Variants in NRG3 observed in about 807,000 individuals in gnomAD.
NRG3 encodes the protein pro-neuregulin-3, membrane-bound isoform.
Under a neutral mutation model 66.9 loss-of-function variants are expected in NRG3, and 31 were observed. That is an observed-to-expected ratio of 0.46 (90% CI 0.35 to 0.63). The LOEUF is 0.63. Ranked by LOEUF, NRG3 falls within the 20% of genes least tolerant of loss-of-function variation. The probability of loss-of-function intolerance (pLI) is 0.00; values close to 1 mark genes in which losing one functional copy is unlikely to be tolerated. For synonymous variants in NRG3, 393 were observed against 359.4 expected (o/e 1.09, Z -1.06); for missense variants, 910 against 878.9 (o/e 1.04, Z -0.45).
At chr10:82,817,452 C>T (rs1372507671) in intron 3 of NRG3, among the ~76,000 whole-genome samples, 3 of 152,214 alleles carry the variant, frequency 2.0e-5, no homozygotes, top group Admixed American at 1.3e-4. Flanking sequence ...TCTCAGAGTT[C>T]TGTGGCCTGT....
intron 1 of NRG3, among the ~76,000 whole-genome samples, chr10:82,352,422 A>G (rs148106968): frequency 1.3e-5 from 2 of 152,286 alleles, no homozygotes; most frequent in Non-Finnish European, 2.9e-5. Flanking sequence ...GCTCAAGACT[A>G]TGAGTAGCAG....
chr10:82,359,343 G>C (rs894150693), intron 2 of NRG3, among the ~76,000 whole-genome samples: 4 of 152,090 alleles, frequency 2.6e-5, no homozygotes, highest in African/African-American at 9.7e-5. Context: ...ATTTTATTTT[G>C]TTTCTGCCTT....
At chr10:82,796,694 C>T (rs2060815580) in intron 3 of NRG3, among the ~76,000 whole-genome samples, 1 of 151,948 alleles carries the variant, frequency 6.6e-6, no homozygotes, top group East Asian at 1.9e-4. Flanking sequence ...GGAGAGGGAG[C>T]CCTAGAGCCA....
chr10:81,944,611 A>G (rs1460972193), intron 1 of NRG3, among the ~76,000 whole-genome samples: 1 of 152,214 alleles, frequency 6.6e-6, no homozygotes, highest in Non-Finnish European at 1.5e-5. Context: ...GGGAAAGGAA[A>G]GTAAACAAAA....
intron 2 of NRG3, among the ~76,000 whole-genome samples, chr10:82,724,340 A>G (rs978157263): frequency 1.3e-5 from 2 of 152,160 alleles, no homozygotes; most frequent in Non-Finnish European, 2.9e-5. Context: ...AATGTCATAC[A>G]TAATGAAAGA....
chr10:82,845,177 A>C (rs978452871), intron 3 of NRG3, among the ~76,000 whole-genome samples: 3 of 152,192 alleles, frequency 2.0e-5, no homozygotes, highest in African/African-American at 7.2e-5. Context: ...AAAATAAAAA[A>C]TAAAGGGCTT....
At chr10:82,236,865 A>G (rs993975610) in intron 1 of NRG3, among the ~76,000 whole-genome samples, 44 of 151,942 alleles carry the variant, frequency 2.9e-4, no homozygotes, top group African/African-American at 9.6e-4. Context: ...ACAGACGCCC[A>G]CCACAACGCC....
At chr10:82,822,655 G>A (rs2062004502) in intron 3 of NRG3, among the ~76,000 whole-genome samples, 1 of 152,088 alleles carries the variant, frequency 6.6e-6, no homozygotes, top group Admixed American at 6.5e-5. Context: ...GTTTAATGTG[G>A]AATCCAGTAT....
chr10:82,979,032 C>T lies in NRG3; in HGVS notation c.1495C>T (p.Arg499Ter). 3.7e-6 allele frequency: 6 copies of T among 1,614,058 alleles called. No homozygotes were observed. The highest frequency in any genetic ancestry group is 3.4e-6 in the Non-Finnish European group (4 of 1,179,974). ...CTTCAGAAGGACACCCCCGTCACCC[C>T]GAAGTAGGCTAGGTGGAATTGTGGG... Reference protein sequence around the residue: ...NAFRRTPPSPRSRLGGIVGPA... With the variant: ...NAFRRTPPSP Residue 499 changes from arginine to a stop codon, truncating the protein, a stop_gained, in exon 8 of 9, where the codon CGA becomes TGA. Transcript: ENST00000372141. LOFTEE classifies it high-confidence loss of function.
rs889906218 is a variant in NRG3, at chr10:82,771,370, A to G, written c.1027+32720A>G. ...AAAGAAGACATAAAATAAAGCCAGTATTTTATTCTATAACCACCTATGTTG... is the reference window on the plus strand; with the variant it reads ...AAAGAAGACATAAAATAAAGCCAGTGTTTTATTCTATAACCACCTATGTTG... On this transcript the variant is annotated intron_variant, in intron 3 of 8. Transcript: ENST00000372141. Among the ~76,000 whole-genome samples, 11 of 152,248 alleles carry G rather than the reference A, an allele frequency of 7.2e-5. No homozygotes were observed. The East Asian group carries it at 1.9e-3, about 27-fold the overall frequency.
intron 2 of NRG3, among the ~76,000 whole-genome samples, chr10:82,630,842 A>G (rs2049777257): frequency 6.6e-6 from 1 of 152,158 alleles, no homozygotes; most frequent in Non-Finnish European, 1.5e-5. Flanking sequence ...CTATCTTCTG[A>G]TTGTTGGACA....
At chr10:82,770,963 C>T (rs563585346) in intron 3 of NRG3, among the ~76,000 whole-genome samples, 1 of 152,246 alleles carries the variant, frequency 6.6e-6, no homozygotes, top group Admixed American at 6.5e-5. Context: ...GGCATGAACT[C>T]CCTGAGAGTT....
At chr10:82,317,941 T>A (rs1483743165) in intron 1 of NRG3, among the ~76,000 whole-genome samples, 1 of 138,478 alleles carries the variant, frequency 7.2e-6, no homozygotes, top group Non-Finnish European at 1.5e-5. Flanking sequence ...TGAATCTACA[T>A]TTTTTTTTTT....
intron 2 of NRG3, among the ~76,000 whole-genome samples, chr10:82,643,008 G>A (rs2050688252): frequency 6.6e-6 from 1 of 151,988 alleles, no homozygotes. Flanking sequence ...GCGGAAGGTA[G>A]CCACAAGATA....
chr10:82,845,280 A>C (rs749938982), intron 3 of NRG3, among the ~76,000 whole-genome samples: 11 of 152,260 alleles, frequency 7.2e-5, no homozygotes, highest in Non-Finnish European at 1.2e-4. Context: ...CACATTAACT[A>C]TCTTTTTTCC....
intron 1 of NRG3, among the ~76,000 whole-genome samples, chr10:82,049,905 A>T (rs11819173): frequency 6.6e-6 from 1 of 151,830 alleles, no homozygotes; most frequent in African/African-American, 2.4e-5. Flanking sequence ...TAGGAATCTA[A>T]GAATTGTTTA....
At chr10:82,002,126 A>G (rs1441579602) in intron 1 of NRG3, among the ~76,000 whole-genome samples, 2 of 152,214 alleles carry the variant, frequency 1.3e-5, no homozygotes, top group African/African-American at 4.8e-5. Context: ...CCCTAATTGT[A>G]TAAACTAAAG....
chr10:82,180,284 A>C (rs1437331777), intron 1 of NRG3, among the ~76,000 whole-genome samples: 1 of 151,910 alleles, frequency 6.6e-6, no homozygotes, highest in Non-Finnish European at 1.5e-5. Flanking sequence ...ACAATATTGA[A>C]TAGAAGTGGC....
intron 1 of NRG3, among the ~76,000 whole-genome samples, chr10:82,152,103 C>T (rs555161331): frequency 6.6e-6 from 1 of 152,282 alleles, no homozygotes; most frequent in African/African-American, 2.4e-5. Context: ...GTCAAAGTCT[C>T]TGTCTTAACT....
Sources: allele counts gnomAD v4.1 joint callset (sites outside exome capture counted in the v4.1 genomes callset), GRCh38; gene constraint gnomAD v4.1.1; transcripts MANE v1.5; gene names NCBI Gene and HGNC (gene_info 2026-07-23, HGNC 2026-07-21).